The following FH variants were observed in gnomAD, a reference collection of about 807,000 sequenced individuals.
FH encodes the protein fumarate hydratase, mitochondrial.
In FH, 22 loss-of-function variants were observed where a neutral mutation model predicts 49.4. The ratio of observed to expected loss-of-function variants is 0.45; its 90% CI spans 0.32 to 0.64. The LOEUF is 0.64. Ranked by LOEUF, FH falls within the 30% of genes least tolerant of loss-of-function variation. The pLI is 0.05. For missense variants in FH, 526 were observed against 641.5 expected (o/e 0.82, Z 1.95); for synonymous variants, 208 against 223.0 (o/e 0.93, Z 0.60).
chr1:241,509,061 T>C (rs1660008508), intron 4 of FH, among the ~76,000 whole-genome samples: 1 of 148,784 alleles, frequency 6.7e-6, no homozygotes, highest in Non-Finnish European at 1.5e-5. Context: ...ATATTATGTA[T>C]TATATAATAT....
rs1659918712 is a variant in FH, at chr1:241,506,004, T to G, written c.903A>C (p.Thr301=). Residue 301 remains threonine (T), a splice_region_variant and synonymous_variant, in exon 6 of 10, where the codon ACA becomes ACC. Transcript: ENST00000366560. ...EKVAAKVAAL[T]GLPFVTAPNK... ...GAAATAATTCACGTGATCACTAACC[T>G]GTAAGTGCAGCCACTTTTGCAGCAA... 5 of 1,613,822 alleles carry G rather than the reference T, an allele frequency of 3.1e-6. No homozygotes were observed. The highest frequency in any genetic ancestry group is 4.2e-6 in the Non-Finnish European group (5 of 1,179,768).
intron 8 of FH, 140 bp downstream of exon 8, chr1:241,502,303 C>T: frequency 1.1e-6 from 1 of 898,668 alleles, no homozygotes; most frequent in Non-Finnish European, 1.8e-6. Context: ...ATTCTGGTAA[C>T]TTAATAAATG....
intron 9 of FH, among the ~76,000 whole-genome samples, chr1:241,499,293 T>A (rs1005282551): frequency 2.0e-5 from 3 of 151,296 alleles, no homozygotes; most frequent in Non-Finnish European, 4.4e-5. Flanking sequence ...TATGTCACAA[T>A]AAGTTGATTC....
chr1:241,517,591 C>A (rs1660254123), intron 1 of FH, among the ~76,000 whole-genome samples: 1 of 152,060 alleles, frequency 6.6e-6, no homozygotes, highest in African/African-American at 2.4e-5. Flanking sequence ...AAATAGTAAT[C>A]TTTTCCATTT....
rs377660762 is a variant in FH at position 241,511,970 on chromosome 1, G to C, written c.552C>G (p.Ser184Arg). 1 of 1,613,698 alleles carries C rather than the reference G, an allele frequency of 6.2e-7. No homozygotes were observed. The highest frequency in any genetic ancestry group is 8.5e-7 in the Non-Finnish European group (1 of 1,179,808). Residue 184 changes from serine (S) to arginine (R), a missense_variant, in exon 4 of 10, where the codon AGC (serine) becomes AGG (arginine). Transcript: ENST00000366560. ...PVHPNDHVNK[S>R]QSSNDTFPTA... ...ACAGCAAAGCTCACATACTGACCTG[G>C]CTTTTATTAACATGATCGTTGGGAT...
chr1:241,519,442 C>G (rs1660309450), intron 1 of FH, 149 bp downstream of exon 1: 14 of 988,758 alleles, frequency 1.4e-5, no homozygotes, highest in Non-Finnish European at 1.8e-5. Flanking sequence ...CCGGGAGGCC[C>G]GCCACGCCGG....
In FH at chr1:241,508,687, A is replaced by G; in HGVS notation, c.654T>C (p.Leu218=). Residue 218 remains leucine (L), a synonymous_variant, in exon 5 of 10, where the codon CTT becomes CTC. Transcript: ENST00000366560. Reference sequence around the variant, plus strand: ...GTGCAAACTCTTTGGATTTTGCATCAAGAGCATCATGTAACTTCTGTAGTC... The same window carrying G: ...GTGCAAACTCTTTGGATTTTGCATCGAGAGCATCATGTAACTTCTGTAGTC... ...LPGLQKLHDA[L]DAKSKEFAQI... The G allele has an allele frequency of 6.2e-7, 1 of 1,613,710 alleles. No homozygotes were observed. The highest frequency in any genetic ancestry group is 1.3e-5 in the African/African-American group (1 of 75,044).
intron 1 of FH, among the ~76,000 whole-genome samples, chr1:241,518,475 T>C (rs910109014): frequency 2.6e-5 from 4 of 152,214 alleles, no homozygotes; most frequent in Non-Finnish European, 5.9e-5. Flanking sequence ...TCTGATTCTG[T>C]AGTATAGTTG....
chr1:241,507,783 C>T (rs1573882617), intron 5 of FH, among the ~76,000 whole-genome samples: 2 of 152,180 alleles, frequency 1.3e-5, no homozygotes, highest in African/African-American at 4.8e-5. Context: ...CCTTAAGAAG[C>T]AACTCAATCC....
intron 4 of FH, among the ~76,000 whole-genome samples, chr1:241,509,073 TTATG>T (rs1354099273): frequency 1.9e-4 from 29 of 148,880 alleles, no homozygotes; most frequent in Non-Finnish European, 4.2e-4. Context: ...ATATAATATA[TTATG>T]TATTATATTA....
chr1:241,505,208 G>T (rs1397076216), intron 6 of FH, among the ~76,000 whole-genome samples: 3 of 151,902 alleles, frequency 2.0e-5, no homozygotes. Flanking sequence ...CCCATGTCCG[G>T]CCCCTAATAC....
chr1:241,519,657 T>G lies in FH; in HGVS notation c.66A>C (p.Leu22Phe). The G allele has an allele frequency of 6.5e-7, 1 of 1,547,968 alleles. No homozygotes were observed. The highest frequency in any genetic ancestry group is 8.7e-7 in the Non-Finnish European group (1 of 1,146,442). Residue 22 changes from leucine to phenylalanine, a missense_variant, in exon 1 of 10, where the codon TTA (leucine) becomes TTC (phenylalanine). Around this residue, in one of 2 missense-constraint regions of FH, gnomAD observed 143 missense variants for 127.5 expected, o/e 1.12. Coordinates refer to ENST00000366560, the MANE Select transcript of FH (RefSeq NM_000143.4). Reference sequence around the variant, plus strand: ...CGCCACCCAAGCCGGGAGCCGAAGCTAAGGCTGCGGCTGGAGCCCGCACGA... The same window carrying G: ...CGCCACCCAAGCCGGGAGCCGAAGCGAAGGCTGCGGCTGGAGCCCGCACGA... ...RPLVRAPAAALASAPGLGGAA... is the reference protein window; with the variant it reads ...RPLVRAPAAAFASAPGLGGAA...
chr1:241,512,866 C>CTAT (rs1307770117), intron 3 of FH, among the ~76,000 whole-genome samples: 12 of 151,904 alleles, frequency 7.9e-5, no homozygotes, highest in Non-Finnish European at 2.9e-5. Flanking sequence ...GTAATTATGA[C>CTAT]TATTAGCATG....
chr1:241,507,773 C>T (rs1204264662), intron 5 of FH, among the ~76,000 whole-genome samples: 1 of 152,146 alleles, frequency 6.6e-6, no homozygotes, highest in Non-Finnish European at 1.5e-5. Flanking sequence ...TGAGACACAG[C>T]CTTAAGAAGC....
chr1:241,507,890 T>G (rs185562043), intron 5 of FH, among the ~76,000 whole-genome samples: 281 of 152,194 alleles, frequency 1.8e-3, no homozygotes, highest in African/African-American at 6.6e-3. Context: ...CCAATTGGAG[T>G]GTGAGTTTAC....
intron 5 of FH, 112 bp downstream of exon 5, chr1:241,508,491 C>T: frequency 1.2e-6 from 1 of 846,014 alleles, no homozygotes; most frequent in South Asian, 1.4e-5. Context: ...ACCTCTGTCA[C>T]TGAAGTTTCC....
intron 6 of FH, 49 bp from the exon 7 acceptor site, chr1:241,504,294 A>G: frequency 3.3e-6 from 5 of 1,534,822 alleles, no homozygotes; most frequent in Non-Finnish European, 4.5e-6. Flanking sequence ...TAAACTAAAC[A>G]TTTTTCTACC....
chr1:241,500,676 T>C, intron 8 of FH, 86 bp from the exon 9 acceptor site: 1 of 1,555,836 alleles, frequency 6.4e-7, no homozygotes, highest in South Asian at 1.1e-5. Flanking sequence ...TCCAATAACA[T>C]ATTATTTTCT....
chr1:241,499,652 C>T (rs978732405), intron 9 of FH, among the ~76,000 whole-genome samples: 1 of 152,112 alleles, frequency 6.6e-6, no homozygotes, highest in African/African-American at 2.4e-5. Context: ...CATATTATGC[C>T]AAATAAGTGA....
Sources: allele counts gnomAD v4.1 joint callset (sites outside exome capture counted in the v4.1 genomes callset), GRCh38; gene constraint gnomAD v4.1.1; regional missense constraint gnomAD v4.1.1; transcripts MANE v1.5; gene names NCBI Gene and HGNC (gene_info 2026-07-23, HGNC 2026-07-21).